Variants in TRPV1 observed in about 807,000 individuals in gnomAD.
TRPV1 encodes OTRPC1.
A neutral mutation model predicts 82.3 loss-of-function variants in TRPV1; 82 were observed. The ratio of observed to expected loss-of-function variants is 1.00; its 90% CI spans 0.83 to 1.20. TRPV1 has a LOEUF of 1.20. Among genes scored for constraint, TRPV1 ranks in the 50% most tolerant of loss-of-function variants. TRPV1 has a pLI of 0.00. For synonymous variants in TRPV1, 515 were observed against 467.7 expected (o/e 1.10, Z -1.30); for missense variants, 1,067 against 1,096.8 (o/e 0.97, Z 0.38).
chr17:3,590,142 G>A, intron 6 of TRPV1, 37 bp from the exon 7 acceptor site: 3 of 1,587,942 alleles, frequency 1.9e-6, no homozygotes, highest in Non-Finnish European at 2.6e-6. Flanking sequence ...CCTCAGGAGT[G>A]AGATCCAGCT....
In TRPV1 at chr17:3,590,263, C is replaced by T; in HGVS notation, c.734G>A (p.Gly245Glu). The T allele has an allele frequency of 1.2e-6, 2 of 1,613,926 alleles. No homozygotes were observed. The highest frequency in any genetic ancestry group is 1.7e-6 in the Non-Finnish European group (2 of 1,179,864). Residue 245 changes from glycine (G) to glutamate (E), a missense_variant, in exon 6 of 17, where the codon GGA becomes GAA. Gly to Glu is a moderately conservative substitution (Grantham distance 98). Transcript: ENST00000572705. ...CACTGTCTCCCTACCGAAGTAGAAT[C>T]CAGGCCGCCCTTTGGTTTTCTTAAA... is the stretch of plus-strand genomic sequence containing the variant. The part of the protein sequence containing the change: ...DFFKKTKGRP[G>E]FYFGELPLSL...
intron 10 of TRPV1, among the ~76,000 whole-genome samples, chr17:3,582,214 A>AAAAAAAAAAAAAAAAAAAAG (rs2075030233): frequency 6.8e-6 from 1 of 146,150 alleles, no homozygotes; most frequent in Non-Finnish European, 1.5e-5. Flanking sequence ...AAAAAAAAAA[A>AAAAAAAAAAAAAAAAAAAAG]TCACAGTGGA....
chr17:3,572,032 G>A lies in TRPV1; in HGVS notation c.2231+90C>T. On this transcript the variant is annotated intron_variant, in intron 15 of 16. Transcript: ENST00000572705. The stretch of plus-strand genomic sequence containing the variant: ...GGAGAGCCCCCTGTGCTCATGACCA[G>A]CCCCTCATGGAGGCCCTGAGGCAGG... 4.0e-6 allele frequency: 6 copies of A among 1,500,786 alleles called. No homozygotes were observed. In the South Asian group the frequency reaches 5.0e-5, roughly 12 times the overall value. 93.0% of individuals were successfully genotyped at this position (1,500,786 alleles called of 1,614,324 possible).
At chr17:3,576,834 G>A (rs1420690885) in intron 13 of TRPV1, among the ~76,000 whole-genome samples, 2 of 132,008 alleles carry the variant, frequency 1.5e-5, no homozygotes, top group Non-Finnish European at 3.1e-5. Flanking sequence ...TGGCGACAGA[G>A]TGAGACTCCA....
intron 5 of TRPV1, 114 bp from the exon 6 acceptor site, chr17:3,590,506 A>G: frequency 6.8e-7 from 1 of 1,469,736 alleles, no homozygotes; most frequent in Non-Finnish European, 9.0e-7. Context: ...AACTGGGCAG[A>G]AAGTGCCTGG....
chr17:3,577,325 G>C (rs1159525490), intron 12 of TRPV1, 133 bp from the exon 13 acceptor site: 1 of 982,912 alleles, frequency 1.0e-6, no homozygotes, highest in Non-Finnish European at 1.5e-6. Context: ...TCTCAGCTCA[G>C]GGGTCATGAG....
chr17:3,569,567 G>A (rs2074819539), intron 16 of TRPV1, among the ~76,000 whole-genome samples: 1 of 152,230 alleles, frequency 6.6e-6, no homozygotes, highest in African/African-American at 2.4e-5. Context: ...AGAAGAGCAT[G>A]GAATTGCCTT....
rs71153376 is a variant in TRPV1, at chr17:3,582,189, C to CAAAAAAAAAAAAAAAAA, written c.1476+1132_1476+1148dup. On this transcript the variant is annotated intron_variant, in intron 10 of 16. Transcript: ENST00000572705. ...TGGGCGAAAGAGTGAGACTCCATCTCAAAAAAAAAAAAAAAAAAAAAAAAA... is the reference window on the plus strand; with the variant it reads ...TGGGCGAAAGAGTGAGACTCCATCTCAAAAAAAAAAAAAAAAAAAAAAAAAAAAAAAAAAAAAAAAAA... Among the ~76,000 whole-genome samples the CAAAAAAAAAAAAAAAAA allele has an allele frequency of 5.4e-4, 14 of 25,914 alleles. 3 individuals are homozygous for CAAAAAAAAAAAAAAAAA. Among genetic ancestry groups the CAAAAAAAAAAAAAAAAA allele is most frequent in the East Asian group, 6.4e-3 (2 of 312 alleles). The allele number at this position is 25,914 out of a possible 152,430, so 17.0% of individuals were successfully genotyped here. A position where few individuals can be genotyped will look rare whatever the true frequency, so the allele number is the denominator to read the frequency against.
chr17:3,591,225 T>C lies in TRPV1; in HGVS notation c.413A>G (p.Gln138Arg), dbSNP rs200003494. Residue 138 changes from glutamine to arginine, a missense_variant, in exon 4 of 17, where the codon CAG becomes CGG. Gln to Arg is a conservative substitution (Grantham distance 43). Coordinates refer to ENST00000572705, the MANE Select transcript of TRPV1 (RefSeq NM_080704.4). ...GTCTGTGAGGTGCTTCTTGCTCTTC[T>C]GCAGGAAGAGCAGCAGGCTCTCCAG... The part of the protein sequence containing the change: ...QDLESLLLFL[Q>R]KSKKHLTDNE... The C allele has an allele frequency of 3.0e-5, 48 of 1,612,704 alleles. 2 individuals carry two copies. The South Asian group carries it at 4.1e-4, about 14-fold the overall frequency.
intron 10 of TRPV1, among the ~76,000 whole-genome samples, 164 bp downstream of exon 10, chr17:3,583,174 G>A (rs745575620): frequency 8.5e-5 from 13 of 152,106 alleles, no homozygotes; most frequent in Non-Finnish European, 1.8e-4. Context: ...CCCGCCCCGC[G>A]GTGACTGACT....
At chr17:3,588,106 G>C (rs973157954) in intron 8 of TRPV1, 82 bp downstream of exon 8, 5 of 1,479,508 alleles carry the variant, frequency 3.4e-6, no homozygotes, top group African/African-American at 2.8e-5. Context: ...TGAGAAGCCA[G>C]CTGGAGCTGG....
rs1446390617 is a variant in TRPV1, at chr17:3,571,638, C to T, written c.2233G>A (p.Val745Met). 1.9e-6 allele frequency: 3 copies of T among 1,606,912 alleles called. No individual in the cohort carries two copies. The highest frequency in any genetic ancestry group is 1.1e-5 in the South Asian group (1 of 89,506). The part of the protein sequence containing the change: ...GKDDYRWCFR[V>M]DEVNWTTWNT... Reference sequence around the variant, plus strand: ...CAGGTGGTCCAGTTCACCTCGTCCACCCTGCAGGGTAAGGGGTCGGGAGAG... The same window carrying T: ...CAGGTGGTCCAGTTCACCTCGTCCATCCTGCAGGGTAAGGGGTCGGGAGAG... Residue 745 changes from valine (V) to methionine (M), a missense_variant and splice_region_variant, in exon 16 of 17, where the codon GTG (valine) becomes ATG (methionine). Transcript: ENST00000572705.
Position 3,569,919 on chromosome 17 carries a change from TGGTCAGGGAGGAGGGGCCAAGG to T in TRPV1, c.2347+1583_2347+1604del, listed in dbSNP as rs1402476265. Among the ~76,000 whole-genome samples the T allele has an allele frequency of 4.9e-3, 260 of 53,040 alleles. 1 individual carries two copies. The highest frequency in any genetic ancestry group is 0.013 in the South Asian group (18 of 1,384). The allele number at this position is 53,040 out of a possible 152,430, so 34.8% of individuals were successfully genotyped here. On this transcript the variant is annotated intron_variant, in intron 16 of 16. Coordinates refer to ENST00000572705, the MANE Select transcript of TRPV1 (RefSeq NM_080704.4). ...AAGGGGTTAGGGGCCAGGGGCCAAG[TGGTCAGGGAGGAGGGGCCAAGG>T]GGTCAGGGAGGAGGGGCCAAGGGGT...
At chr17:3,571,007 G>A (rs1337040328) in intron 16 of TRPV1, among the ~76,000 whole-genome samples, 3 of 152,186 alleles carry the variant, frequency 2.0e-5, no homozygotes, top group African/African-American at 7.2e-5. Flanking sequence ...GTGAGCCACT[G>A]TGCCCGGCCT....
intron 2 of TRPV1, among the ~76,000 whole-genome samples, chr17:3,603,152 G>A (rs1359510870): frequency 1.4e-5 from 2 of 143,580 alleles, no homozygotes; most frequent in Non-Finnish European, 3.1e-5. Flanking sequence ...AAAAAAAAAA[G>A]AAAAATACCC....
rs2075199096 is a variant in TRPV1, at chr17:3,594,327, T to C, written c.-33-1944A>G. Among the ~76,000 whole-genome samples the C allele has an allele frequency of 2.0e-5, 3 of 150,628 alleles. No homozygotes were observed. In the South Asian group the frequency reaches 6.2e-4, roughly 31 times the overall value. On this transcript the variant is annotated intron_variant, in intron 2 of 16. Transcript: ENST00000572705. ...GGCTTCTCAAGTCCTGCATTTTCTT[T>C]TTTTTTTTTTTTGAAATATATAATC...
At chr17:3,580,877 C>T (rs776526036) in intron 10 of TRPV1, among the ~76,000 whole-genome samples, 26 of 152,080 alleles carry the variant, frequency 1.7e-4, no homozygotes, top group Middle Eastern at 3.4e-3. Flanking sequence ...CAATTAGCTG[C>T]GCGTGGTGGC....
Position 3,566,899 on chromosome 17 carries a change from T to A in TRPV1, c.2436A>T (p.Glu812Asp). 1 of 1,613,964 alleles carries A rather than the reference T, an allele frequency of 6.2e-7. No homozygotes were observed. Among genetic ancestry groups the A allele is most frequent in the Non-Finnish European group, 8.5e-7 (1 of 1,179,878 alleles). The change falls in exon 17 of 17, where the codon GAA becomes GAT. Residue 812 changes from glutamate to aspartate, a missense_variant. Glu to Asp is a conservative substitution (Grantham distance 45, BLOSUM62 2). Coordinates refer to ENST00000572705, the MANE Select transcript of TRPV1 (RefSeq NM_080704.4). ...ARDRQSAQPEEVYLRQFSGSL... is the reference protein window; with the variant it reads ...ARDRQSAQPEDVYLRQFSGSL... ...ACCCTGAAAACTGTCGCAGATAAACTTCCTCGGGCTGAGCAGACTGCCTAT... is the reference window on the plus strand; with the variant it reads ...ACCCTGAAAACTGTCGCAGATAAACATCCTCGGGCTGAGCAGACTGCCTAT...
intron 10 of TRPV1, among the ~76,000 whole-genome samples, chr17:3,581,698 A>T (rs1222272816): frequency 6.7e-6 from 1 of 150,004 alleles, no homozygotes; most frequent in Non-Finnish European, 1.5e-5. Context: ...CATCCTGGTT[A>T]ACATGGTGAA....
Sources: allele counts gnomAD v4.1 joint callset (sites outside exome capture counted in the v4.1 genomes callset), GRCh38; gene constraint gnomAD v4.1.1; transcripts MANE v1.5; gene names NCBI Gene and HGNC (gene_info 2026-07-23, HGNC 2026-07-21).